The following USP48 variants were observed in gnomAD, a reference collection of about 807,000 sequenced individuals.
The protein encoded by USP48 is ubiquitin carboxyl-terminal hydrolase 48.
Under a neutral mutation model 150.7 loss-of-function variants are expected in USP48, and 43 were observed. The ratio of observed to expected loss-of-function variants is 0.29; its 90% CI spans 0.22 to 0.37. USP48 has a LOEUF of 0.37. Among genes scored for constraint, USP48 ranks in the 10% least tolerant of loss-of-function variants. USP48 has a pLI of 1.00. For missense variants in USP48, 813 were observed against 1,249.6 expected (o/e 0.65, Z 5.27); for synonymous variants, 396 against 425.9 (o/e 0.93, Z 0.86).
intron 19 of USP48, among the ~76,000 whole-genome samples, chr1:21,704,775 A>G (rs2097667371): frequency 1.3e-5 from 2 of 152,118 alleles, no homozygotes; most frequent in East Asian, 3.9e-4. Context: ...TAAATTCAGT[A>G]CAGTGGTTAG....
At chr1:21,736,205 T>C (rs1484731891) in intron 9 of USP48, among the ~76,000 whole-genome samples, 2 of 152,130 alleles carry the variant, frequency 1.3e-5, no homozygotes, top group African/African-American at 4.8e-5. Flanking sequence ...CTAGCAGGTT[T>C]AGGCTGCAGT....
At chr1:21,739,747 C>CTGT (rs1557539640) in intron 8 of USP48, among the ~76,000 whole-genome samples, 2 of 152,164 alleles carry the variant, frequency 1.3e-5, no homozygotes, top group Non-Finnish European at 2.9e-5. Flanking sequence ...CTTACTCGTC[C>CTGT]TGTTGAACCG....
At chr1:21,771,624 A>C (rs907497138) in intron 1 of USP48, among the ~76,000 whole-genome samples, 1 of 151,994 alleles carries the variant, frequency 6.6e-6, no homozygotes, top group African/African-American at 2.4e-5. Context: ...ATGGCAAAAA[A>C]AACAGGGTTG....
At chr1:21,734,545 C>T (rs1032287500) in intron 9 of USP48, among the ~76,000 whole-genome samples, 1 of 152,156 alleles carries the variant, frequency 6.6e-6, no homozygotes, top group Non-Finnish European at 1.5e-5. Flanking sequence ...TATGTTCCTG[C>T]CTACTGGACA....
At chr1:21,727,756 A>G (rs2097743040) in intron 11 of USP48, 1 of 458,980 alleles carries the variant, frequency 2.2e-6, no homozygotes, top group African/African-American at 2.1e-5. Context: ...GTTAAAATAT[A>G]TTCTTATAGA....
At chr1:21,742,579 A>AAAAGT (rs1179792186) in intron 8 of USP48, among the ~76,000 whole-genome samples, 7 of 138,046 alleles carry the variant, frequency 5.1e-5, no homozygotes, top group African/African-American at 2.3e-4. Flanking sequence ...AAGAAAAAGA[A>AAAAGT]AAAGAAAAGA....
At chr1:21,708,884 CAA>C (rs1181628764) in intron 15 of USP48, among the ~76,000 whole-genome samples, 8 of 16,606 alleles carry the variant, frequency 4.8e-4, no homozygotes, top group Non-Finnish European at 3.0e-4. Flanking sequence ...GACTCCGTCT[CAA>C]AAAAAAAAAA....
chr1:21,749,815 C>T (rs187892088), intron 6 of USP48, among the ~76,000 whole-genome samples: 35 of 152,212 alleles, frequency 2.3e-4, no homozygotes, highest in Admixed American at 2.2e-3. Flanking sequence ...GTTGCCTAGG[C>T]TGGTTTCAAA....
chr1:21,780,253 C>A (rs2152661972), intron 1 of USP48, among the ~76,000 whole-genome samples: 1 of 152,326 alleles, frequency 6.6e-6, no homozygotes, highest in South Asian at 2.1e-4. Flanking sequence ...GACACATGCG[C>A]AGCAGGGATA....
Position 21,721,721 on chromosome 1 carries a change from T to C in USP48, c.1692A>G (p.Ile564Met), listed in dbSNP as rs2097721315. The change falls in exon 13 of 27, where the codon ATA (isoleucine) becomes ATG (methionine). Residue 564 changes from isoleucine to methionine, a missense_variant. By Grantham distance (10) the Ile-to-Met change is conservative (BLOSUM62 1). Coordinates refer to ENST00000308271, the MANE Select transcript of USP48 (RefSeq NM_032236.8). ...CATTTAGTTGGTTCTTCAGACGCAA[T>C]ATGCGACAACGTTCTACTACACATT... is the stretch of plus-strand genomic sequence containing the variant. ...CKECVVERCR[I>M]LRLKNQLNED... The C allele has an allele frequency of 5.0e-6, 8 of 1,609,424 alleles. No individual in the cohort carries two copies. The highest frequency in any genetic ancestry group is 6.8e-6 in the Non-Finnish European group (8 of 1,177,372).
At chr1:21,774,451 G>A (rs905787840) in intron 1 of USP48, among the ~76,000 whole-genome samples, 2 of 152,066 alleles carry the variant, frequency 1.3e-5, no homozygotes, top group Non-Finnish European at 2.9e-5. Context: ...CACTTTGGGA[G>A]GCCAAGGTGG....
intron 6 of USP48, among the ~76,000 whole-genome samples, chr1:21,748,838 G>C (rs922130276): frequency 6.6e-6 from 1 of 152,200 alleles, no homozygotes; most frequent in African/African-American, 2.4e-5. Context: ...TTGAACCCGG[G>C]AGGTGGAGCT....
intron 12 of USP48, among the ~76,000 whole-genome samples, chr1:21,722,002 G>T (rs2097722216): frequency 1.3e-5 from 2 of 152,024 alleles, no homozygotes. Flanking sequence ...TACATTAAAA[G>T]TATCTAAATA....
intron 15 of USP48, among the ~76,000 whole-genome samples, chr1:21,713,030 TCCTCTCTC>T (rs1179201148): frequency 6.6e-6 from 1 of 152,130 alleles, no homozygotes; most frequent in Non-Finnish European, 1.5e-5. Context: ...TACAATTTCT[TCCTCTCTC>T]CCTCACTCCC....
At chr1:21,749,763 T>C (rs994817314) in intron 6 of USP48, among the ~76,000 whole-genome samples, 19 of 152,088 alleles carry the variant, frequency 1.2e-4, no homozygotes, top group African/African-American at 4.3e-4. Flanking sequence ...ACACCAAGCC[T>C]GGTTAATTTT....
intron 14 of USP48, among the ~76,000 whole-genome samples, chr1:21,716,491 T>C (rs1274176357): frequency 6.6e-6 from 1 of 152,228 alleles, no homozygotes; most frequent in Non-Finnish European, 1.5e-5. Flanking sequence ...TTATGAATTG[T>C]TTACTTCTGG....
At chr1:21,699,259 C>T (rs1257206974) in intron 22 of USP48, among the ~76,000 whole-genome samples, 4 of 141,582 alleles carry the variant, frequency 2.8e-5, no homozygotes, top group Non-Finnish European at 6.0e-5. Flanking sequence ...AGTGCAGTGG[C>T]GAGATCACGG....
chr1:21,699,780 T>C (rs2097649784), intron 22 of USP48, among the ~76,000 whole-genome samples: 1 of 151,478 alleles, frequency 6.6e-6, no homozygotes, highest in Non-Finnish European at 1.5e-5. Context: ...CCTTCCAAAA[T>C]GCTGGAATTA....
intron 9 of USP48, among the ~76,000 whole-genome samples, chr1:21,731,474 G>T (rs2097756693): frequency 6.6e-6 from 1 of 151,754 alleles, no homozygotes; most frequent in Non-Finnish European, 1.5e-5. Context: ...ACGTTGGCCA[G>T]GCTGGTCTCA....
Sources: allele counts gnomAD v4.1 joint callset (sites outside exome capture counted in the v4.1 genomes callset), GRCh38; gene constraint gnomAD v4.1.1; transcripts MANE v1.5; gene names NCBI Gene and HGNC (gene_info 2026-07-23, HGNC 2026-07-21).